Variants in SCN2A observed in about 807,000 individuals in gnomAD.
SCN2A encodes sodium channel protein type 2 subunit alpha.
Under a neutral mutation model 188.7 loss-of-function variants are expected in SCN2A, and 20 were observed. The ratio of observed to expected loss-of-function variants is 0.11; its 90% CI spans 0.07 to 0.15. The LOEUF is 0.15. Among genes scored for constraint, SCN2A ranks in the 10% least tolerant of loss-of-function variants. The probability of loss-of-function intolerance (pLI) is 1.00; values close to 1 mark genes in which losing one functional copy is unlikely to be tolerated. For missense variants in SCN2A, 1,278 were observed against 2,445.0 expected, an observed-to-expected ratio of 0.52 and a Z score of 10.07; for synonymous variants, 804 against 833.1, an observed-to-expected ratio of 0.97 and a Z score of 0.60.
At chr2:165,328,010 G>A (rs1239224341) in intron 13 of SCN2A, 2 of 152,004 alleles carry the variant, frequency 1.3e-5, no homozygotes, top group Admixed American at 6.6e-5. Context: ...GATGTGTCAA[G>A]GGAGAAGAGA....
intron 22 of SCN2A, 151 bp downstream of exon 22, chr2:165,375,117 C>T: frequency 1.4e-6 from 1 of 719,072 alleles, no homozygotes; most frequent in South Asian, 1.8e-5. Context: ...GAAAAGGGAA[C>T]CCTTGTACAT....
intron 1 of SCN2A, among the ~76,000 whole-genome samples, chr2:165,295,279 T>C (rs1230257930): frequency 6.6e-6 from 1 of 152,226 alleles, no homozygotes; most frequent in African/African-American, 2.4e-5. Context: ...GAATAAACTC[T>C]TAAATGTGAT....
intron 20 of SCN2A, chr2:165,371,022 A>G (rs1405803649): frequency 6.6e-6 from 1 of 152,214 alleles, no homozygotes; most frequent in Non-Finnish European, 1.5e-5. Context: ...AACAATAGAA[A>G]ATGCACCAAA....
chr2:165,257,357 T>G (rs1269650525), intron 1 of SCN2A, among the ~76,000 whole-genome samples: 1 of 152,222 alleles, frequency 6.6e-6, no homozygotes, highest in Non-Finnish European at 1.5e-5. Flanking sequence ...ACGGGTTCAG[T>G]TCCACACCAC....
At chr2:165,347,234 C>T (rs1310276830) in intron 16 of SCN2A, among the ~76,000 whole-genome samples, 1 of 152,166 alleles carries the variant, frequency 6.6e-6, no homozygotes, top group Non-Finnish European at 1.5e-5. Flanking sequence ...AAATGTGGCA[C>T]ATATACACCA....
intron 1 of SCN2A, among the ~76,000 whole-genome samples, chr2:165,280,692 A>G (rs905392878): frequency 1.3e-5 from 2 of 152,148 alleles, no homozygotes; most frequent in Admixed American, 6.5e-5. Flanking sequence ...GGATCATAAT[A>G]AAGCCACTTC....
At chr2:165,382,565 C>T (rs1701657273) in intron 25 of SCN2A, among the ~76,000 whole-genome samples, 1 of 151,770 alleles carries the variant, frequency 6.6e-6, no homozygotes, top group African/African-American at 2.4e-5. Context: ...TCAAAGAAAC[C>T]ACAATAACCC....
At chr2:165,319,069 G>A (rs1697926836) in intron 11 of SCN2A, among the ~76,000 whole-genome samples, 2 of 152,160 alleles carry the variant, frequency 1.3e-5, no homozygotes, top group African/African-American at 2.4e-5. Flanking sequence ...CGGGTGTGGT[G>A]GCTCATGCCT....
At chr2:165,242,202 G>C (rs1693654320) in intron 1 of SCN2A, among the ~76,000 whole-genome samples, 1 of 152,148 alleles carries the variant, frequency 6.6e-6, no homozygotes, top group African/African-American at 2.4e-5. Flanking sequence ...TGAATGTATA[G>C]ATCTGCATGC....
rs73969388 is a variant in SCN2A at position 165,372,895 on chromosome 2, C to T, written c.3850-330C>T. The T allele has an allele frequency of 9.6e-3, 2,505 of 262,148 alleles. 66 individuals carry two copies. The highest frequency in any genetic ancestry group is 0.052 in the African/African-American group (2,330 of 44,580). 16.2% of individuals were successfully genotyped at this position (262,148 alleles called of 1,614,324 possible). On this transcript the variant is annotated intron_variant, in intron 20 of 26. Transcript: ENST00000375437. ...AGATCTGTAGAGGAAGATCACATTTCTCTCTCTTTTTTTTCTTTACTTTTA... is the reference window on the plus strand; with the variant it reads ...AGATCTGTAGAGGAAGATCACATTTTTCTCTCTTTTTTTTCTTTACTTTTA...
intron 17 of SCN2A, among the ~76,000 whole-genome samples, chr2:165,358,763 T>A (rs1433489935): frequency 3.9e-5 from 6 of 152,076 alleles, no homozygotes. Context: ...AAATTTATCA[T>A]GATCCACAAA....
intron 1 of SCN2A, among the ~76,000 whole-genome samples, chr2:165,291,478 CTT>C (rs1311398792): frequency 2.1e-5 from 1 of 47,606 alleles, no homozygotes; most frequent in African/African-American, 7.6e-5. Flanking sequence ...TTCTTTCTTT[CTT>C]TCTTTCTTTC....
intron 14 of SCN2A, among the ~76,000 whole-genome samples, chr2:165,336,998 G>C (rs1699036542): frequency 6.6e-6 from 1 of 151,710 alleles, no homozygotes; most frequent in Non-Finnish European, 1.5e-5. Flanking sequence ...GATCTGGACA[G>C]GAACAAATTG....
At chr2:165,315,367 G>T (rs1305255231) in intron 10 of SCN2A, 104 bp from the exon 11 acceptor site, 37 of 1,548,748 alleles carry the variant, frequency 2.4e-5, no homozygotes, top group Non-Finnish European at 3.1e-5. Flanking sequence ...ATGGAGAATT[G>T]TTTTTCAAGA....
At chr2:165,359,239 G>T (rs781246163) in intron 17 of SCN2A, among the ~76,000 whole-genome samples, 2 of 152,038 alleles carry the variant, frequency 1.3e-5, no homozygotes, top group Non-Finnish European at 2.9e-5. Context: ...AAACACAGAT[G>T]CGCATATACA....
chr2:165,255,727 C>T lies in SCN2A; in HGVS notation c.-52+16087C>T, dbSNP rs76643919. Among the ~76,000 whole-genome samples the T allele has an allele frequency of 2.8e-3, 427 of 152,236 alleles. 15 individuals carry two copies. The East Asian group carries it at 0.073, about 26-fold the overall frequency. ...GAAGGAGATATTGATGATATATTTT[C>T]TCAGCTGCTGGTAGATGAAAATATT... On this transcript the variant is annotated intron_variant, in intron 1 of 26. Coordinates refer to ENST00000375437, the MANE Select transcript of SCN2A (RefSeq NM_001040142.2).
At chr2:165,326,044 G>T in intron 12 of SCN2A, among the ~76,000 whole-genome samples, 1 of 152,074 alleles carries the variant, frequency 6.6e-6, no homozygotes, top group Non-Finnish European at 1.5e-5. Flanking sequence ...ACTCAGACCT[G>T]CATTTGAAAT....
chr2:165,342,844 A>G (rs114511642), intron 15 of SCN2A, among the ~76,000 whole-genome samples: 2 of 152,176 alleles, frequency 1.3e-5, no homozygotes, highest in Non-Finnish European at 2.9e-5. Flanking sequence ...TCTGCCAGGA[A>G]CTAAAGAATT....
At chr2:165,367,098 A>C in intron 18 of SCN2A, 119 bp from the exon 19 acceptor site, 1 of 973,402 alleles carries the variant, frequency 1.0e-6, no homozygotes, top group African/African-American at 1.6e-5. Context: ...AGCTATCTTA[A>C]AAATTAATGT....
Sources: allele counts gnomAD v4.1 joint callset (sites outside exome capture counted in the v4.1 genomes callset), GRCh38; gene constraint gnomAD v4.1.1; transcripts MANE v1.5; gene names NCBI Gene and HGNC (gene_info 2026-07-23, HGNC 2026-07-21).